SDK2: variants seen among roughly 807,000 people sequenced by gnomAD.
SDK2 encodes sidekick cell adhesion molecule 2.
In SDK2, 105 loss-of-function variants were observed where a neutral mutation model predicts 253.9. That is an observed-to-expected ratio of 0.41 (90% CI 0.35 to 0.49). The LOEUF is 0.49. Among genes scored for constraint, SDK2 ranks in the 20% least tolerant of loss-of-function variants. The pLI is 0.06. For missense variants in SDK2, 2,608 were observed against 3,003.0 expected (o/e 0.87, Z 3.07); for synonymous variants, 1,249 against 1,234.9 (o/e 1.01, Z -0.24).
chr17:73,366,980 C>T, intron 37 of SDK2, among the ~76,000 whole-genome samples: 1 of 152,186 alleles, frequency 6.6e-6, no homozygotes, highest in East Asian at 1.9e-4. Context: ...CTCAAGCCCT[C>T]CCATGGCTTC....
intron 44 of SDK2, among the ~76,000 whole-genome samples, chr17:73,344,934 A>C (rs1387122943): frequency 1.3e-5 from 2 of 152,196 alleles, no homozygotes; most frequent in African/African-American, 2.4e-5. Flanking sequence ...AGCTCAAATA[A>C]ATGCCACCTC....
chr17:73,463,724 T>C (rs1004139451), intron 3 of SDK2, among the ~76,000 whole-genome samples: 8 of 152,166 alleles, frequency 5.3e-5, no homozygotes, highest in Admixed American at 2.6e-4. Flanking sequence ...AACATTTTTT[T>C]GGGGGGGCTC....
chr17:73,574,905 A>G (rs866972152), intron 1 of SDK2, among the ~76,000 whole-genome samples: 5 of 152,166 alleles, frequency 3.3e-5, no homozygotes, highest in South Asian at 2.1e-4. Context: ...AGGCTATACC[A>G]ACAGACCAAG....
chr17:73,484,320 T>C (rs1310593968), intron 2 of SDK2, among the ~76,000 whole-genome samples: 3 of 152,314 alleles, frequency 2.0e-5, no homozygotes, highest in Admixed American at 6.5e-5. Flanking sequence ...GGCCGAATCA[T>C]GGTGGGTGGC....
Position 73,430,492 on chromosome 17 carries a change from T to A in SDK2, c.1583+19A>T. 1 of 1,576,934 alleles carries A rather than the reference T, an allele frequency of 6.3e-7. No homozygotes were observed. Among genetic ancestry groups the A allele is most frequent in the Non-Finnish European group, 8.7e-7 (1 of 1,154,384 alleles). ...GCTCCCCCTCCCCTCTTGCCTGGAG[T>A]CAACAGCAGAGCCAGTACCTGATGG... On this transcript the variant is annotated intron_variant, in intron 12 of 44. Transcript: ENST00000392650.
chr17:73,559,916 A>G (rs1009066116), intron 1 of SDK2, among the ~76,000 whole-genome samples: 1 of 152,210 alleles, frequency 6.6e-6, no homozygotes, highest in Non-Finnish European at 1.5e-5. Context: ...TCTTGGCCTC[A>G]CTAAGCATTT....
At position 73,393,501 on chromosome 17, in the gene SDK2, G is replaced by A. The variant is rs1568379809; in HGVS notation, c.3898+59C>T. On this transcript the variant is annotated intron_variant, in intron 27 of 44. Coordinates refer to ENST00000392650, the MANE Select transcript of SDK2 (RefSeq NM_001144952.2). ...GACCCCAGAAGGGCAAGGCCAGATG[G>A]GCAGGAGGAAGGGCGGCTCCTCCCA... 6.2e-6 allele frequency: 9 copies of A among 1,449,502 alleles called. No homozygotes were observed. The South Asian group carries it at 1.2e-4, about 20-fold the overall frequency. 89.8% of individuals were successfully genotyped at this position (1,449,502 alleles called of 1,614,324 possible). A position where few individuals can be genotyped will look rare whatever the true frequency, so the allele number is the denominator to read the frequency against.
intron 1 of SDK2, among the ~76,000 whole-genome samples, chr17:73,563,933 A>G (rs374320967): frequency 2.6e-5 from 4 of 151,796 alleles, no homozygotes; most frequent in East Asian, 1.9e-4. Flanking sequence ...CTAATTTTTT[A>G]TATTTTTTGT....
intron 1 of SDK2, among the ~76,000 whole-genome samples, chr17:73,561,314 T>G (rs773737270): frequency 7.3e-4 from 111 of 152,190 alleles, no homozygotes; most frequent in Non-Finnish European, 6.9e-4. Flanking sequence ...TCAGCACAGA[T>G]GATGACGAGA....
chr17:73,550,123 G>T (rs1351224343), intron 1 of SDK2, among the ~76,000 whole-genome samples: 5 of 152,174 alleles, frequency 3.3e-5, no homozygotes, highest in Non-Finnish European at 7.4e-5. Flanking sequence ...TGCATGGCAG[G>T]TCTAGTGCTC....
chr17:73,451,771 T>C (rs772644823), intron 4 of SDK2, among the ~76,000 whole-genome samples: 13 of 152,250 alleles, frequency 8.5e-5, no homozygotes, highest in Non-Finnish European at 1.9e-4. Context: ...GTCCATCTCG[T>C]TGATAGACAT....
chr17:73,339,003 GC>G, intron 44 of SDK2, 63 bp from the exon 45 acceptor site: 1 of 1,434,112 alleles, frequency 7.0e-7, no homozygotes. Context: ...TGTGGTTGGG[GC>G]CGGAAGGCAC....
At chr17:73,396,892 C>T (rs2044371272) in intron 24 of SDK2, among the ~76,000 whole-genome samples, 1 of 152,202 alleles carries the variant, frequency 6.6e-6, no homozygotes. Flanking sequence ...CGAGACAGCT[C>T]TGCAGCTCTG....
At position 73,496,925 on chromosome 17, in the gene SDK2, C is replaced by T. The variant is rs2063846129; in HGVS notation, c.224+10513G>A. Among the ~76,000 whole-genome samples, 1 of 152,182 alleles carries T rather than the reference C, an allele frequency of 6.6e-6. No homozygotes were observed. The highest frequency in any genetic ancestry group is 6.5e-5 in the Admixed American group (1 of 15,280). On this transcript the variant is annotated intron_variant, in intron 2 of 44. Transcript: ENST00000392650. This position sits in a 1 kb window ranked among gnomAD's most constrained non-coding sequence, Gnocchi z 4.7. ...TTTTATTTATGTTTTGAGATGGGGT[C>T]TCGCTTTGTCGCCTAGGTAGGAATG...
At chr17:73,407,132 A>C (rs367965865) in intron 18 of SDK2, among the ~76,000 whole-genome samples, 195 of 152,388 alleles carry the variant, frequency 1.3e-3, no homozygotes, top group African/African-American at 4.4e-3. Flanking sequence ...TAGAAACAAC[A>C]ACCATTTCTG....
chr17:73,443,799 G>A lies in SDK2; in HGVS notation c.614-2876C>T, dbSNP rs1874751755. The stretch of plus-strand genomic sequence containing the variant: ...TCCTACTGAGTTTCAGTCTTCTCAG[G>A]GGGGAAATGGGGATGAAAGTCACTA... On this transcript the variant is annotated intron_variant, in intron 5 of 44. Transcript: ENST00000392650. The surrounding 1 kb of genome is among the most constrained non-coding windows in gnomAD (Gnocchi z 4.6). 6.6e-6 allele frequency among the ~76,000 whole-genome samples: 1 copy of A among 152,164 alleles called. No homozygotes were observed. The highest frequency in any genetic ancestry group is 6.5e-5 in the Admixed American group (1 of 15,286).
chr17:73,517,732 C>T (rs2064041091), intron 1 of SDK2: 1 of 152,274 alleles, frequency 6.6e-6, no homozygotes, highest in African/African-American at 2.4e-5. Flanking sequence ...CGTCATTCCA[C>T]AGAAGGCAGC....
intron 1 of SDK2, among the ~76,000 whole-genome samples, chr17:73,603,565 G>A (rs2045869631): frequency 1.3e-5 from 2 of 152,198 alleles, no homozygotes; most frequent in African/African-American, 4.8e-5. Flanking sequence ...GGGAGCTTGG[G>A]TCCCTGTAGC....
intron 1 of SDK2, among the ~76,000 whole-genome samples, chr17:73,615,236 C>T (rs113788019): frequency 0.01 from 1,537 of 152,268 alleles, 19 homozygotes; most frequent in Admixed American, 0.035. Context: ...TTGACTTTAA[C>T]GTTCTGCTGT....
Sources: gnomAD v4.1 joint callset for allele counts (sites outside exome capture counted in the v4.1 genomes callset) on GRCh38, gnomAD v4.1.1 for gene constraint, Gnocchi (gnomAD v3.1) non-coding constraint, MANE v1.5 for transcripts, NCBI Gene and HGNC (gene_info 2026-07-23, HGNC 2026-07-21) for gene names.